SYDE1: variants seen among roughly 807,000 people sequenced by gnomAD.
SYDE1 encodes rho GTPase-activating protein SYDE1.
In SYDE1, 34 loss-of-function variants were observed where a neutral mutation model predicts 63.3. The observed-to-expected ratio is 0.54, with a 90% confidence interval of 0.41 to 0.71. The LOEUF (loss-of-function observed/expected upper bound fraction) is 0.71, where lower values mean the gene tolerates loss of function less well. SYDE1 is among the 30% of genes least tolerant of loss of function. SYDE1 has a pLI of 0.00. For missense variants in SYDE1, 925 were observed against 1,042.5 expected (o/e 0.89, Z 1.55); for synonymous variants, 467 against 473.4 (o/e 0.99, Z 0.18).
rs1035682544 is a variant in SYDE1 at position 15,111,297 on chromosome 19, C to A, written c.1291-16C>A. The A allele has an allele frequency of 6.8e-6, 11 of 1,613,644 alleles. No homozygotes were observed. The Admixed American group carries it at 1.2e-4, about 17-fold the overall frequency. On this transcript the variant is annotated splice_polypyrimidine_tract_variant and intron_variant, in intron 4 of 7. Coordinates refer to ENST00000342784, the MANE Select transcript of SYDE1 (RefSeq NM_033025.6). The surrounding 1 kb of genome is among the most constrained non-coding windows in gnomAD (Gnocchi z 5.5). Reference sequence around the variant, plus strand: ...GCCCCGGCAAGAAGACATTCACTCTCTCTTCCCACCCCCAGGTAGTGGGAC... The same window carrying A: ...GCCCCGGCAAGAAGACATTCACTCTATCTTCCCACCCCCAGGTAGTGGGAC...
chr19:15,109,720 C>T lies in SYDE1; in HGVS notation c.447C>T (p.Ser149=), dbSNP rs867275566. The T allele has an allele frequency of 1.3e-6, 2 of 1,516,502 alleles. No homozygotes were observed. Among genetic ancestry groups the T allele is most frequent in the Non-Finnish European group, 1.8e-6 (2 of 1,131,178 alleles). 93.9% of individuals were successfully genotyped at this position (1,516,502 alleles called of 1,614,324 possible). ...TCCACACAGGTGCAGCCCCCGCCAG[C>T]CCCCCAACCAAAGCCTCCCGCACCA... ...GLAPQGAAPA[S]PPTKASRTKS... Residue 149 remains serine, a synonymous_variant, in exon 3 of 8, where the codon AGC becomes AGT. Coordinates refer to ENST00000342784, the MANE Select transcript of SYDE1 (RefSeq NM_033025.6). The surrounding 1 kb of genome is among the most constrained non-coding windows in gnomAD (Gnocchi z 5.0).
rs1035716288 is a variant in SYDE1, at chr19:15,111,004, G to T, written c.1290+269G>T. 4.6e-5 allele frequency among the ~76,000 whole-genome samples: 7 copies of T among 152,188 alleles called. No individual in the cohort carries two copies. The highest frequency in any genetic ancestry group is 7.3e-5 in the Non-Finnish European group (5 of 68,036). On this transcript the variant is annotated intron_variant, in intron 4 of 7. Coordinates refer to ENST00000342784, the MANE Select transcript of SYDE1 (RefSeq NM_033025.6). The surrounding 1 kb of genome is among the most constrained non-coding windows in gnomAD (Gnocchi z 5.5). ...GATACGACTCTAGTCATTCACAAAT[G>T]TAAAACTATAACTGGGACTGGAGTT...
chr19:15,113,468 T>C, intron 7 of SYDE1, 92 bp from the exon 8 acceptor site: 2 of 1,449,728 alleles, frequency 1.4e-6, no homozygotes, highest in Non-Finnish European at 9.2e-7. Flanking sequence ...CGAAGGCCGC[T>C]TTCCACAGGC....
chr19:15,113,907 G>A lies in SYDE1; in HGVS notation c.2152G>A (p.Ala718Thr), dbSNP rs1331696603. 4 of 1,614,082 alleles carry A rather than the reference G, an allele frequency of 2.5e-6. No homozygotes were observed. The highest frequency in any genetic ancestry group is 3.3e-5 in the Admixed American group (2 of 60,026). Residue 718 changes from alanine to threonine, a missense_variant, in exon 8 of 8, where the codon GCC becomes ACC. Physicochemically the swap from Ala to Thr is moderately conservative, Grantham distance 58. Transcript: ENST00000342784. ...NPHLNLKDFD[A>T]LILDLERELS... ...GCACCTGAATCTCAAAGACTTCGACGCCCTCATCCTGGATCTGGAGAGAGA... is the reference window on the plus strand; with the variant it reads ...GCACCTGAATCTCAAAGACTTCGACACCCTCATCCTGGATCTGGAGAGAGA...
Position 15,113,805 on chromosome 19 carries a change from G to T in SYDE1, c.2050G>T (p.Glu684Ter). 2 of 1,613,504 alleles carry T rather than the reference G, an allele frequency of 1.2e-6. No individual in the cohort carries two copies. Among genetic ancestry groups the T allele is most frequent in the Non-Finnish European group, 1.7e-6 (2 of 1,179,470 alleles). Residue 684 changes from glutamate (E) to a stop codon, truncating the protein, a stop_gained, in exon 8 of 8, where the codon GAG becomes TAG. Transcript: ENST00000342784. LOFTEE classifies it high-confidence loss of function. ...DYDHVTGSDS[E>*]DEDEEVGEPR... ...CGACCACGTGACGGGCAGTGACAGC[G>T]AGGACGAGGACGAGGAGGTCGGCGA...
Position 15,110,073 on chromosome 19 carries a change from G to A in SYDE1, c.800G>A (p.Arg267His). 6.7e-7 allele frequency: 1 copy of A among 1,487,480 alleles called. No homozygotes were observed. Among genetic ancestry groups the A allele is most frequent in the Non-Finnish European group, 8.9e-7 (1 of 1,126,426 alleles). 92.1% of individuals were successfully genotyped at this position (1,487,480 alleles called of 1,614,324 possible). Residue 267 changes from arginine to histidine, a missense_variant, in exon 3 of 8, where the codon CGC (arginine) becomes CAC (histidine). By Grantham distance (29) the Arg-to-His change is conservative. This residue lies in a region of SYDE1 where 599 missense variants were observed against 653.7 expected (regional missense o/e 0.92). Transcript: ENST00000342784. The surrounding 1 kb of genome is among the most constrained non-coding windows in gnomAD (Gnocchi z 6.9). ...GCACCCCCGGCCGCACTCTGGGGCCGCCTCAGCCTGCACCTGTACGGTCTC... is the reference window on the plus strand; with the variant it reads ...GCACCCCCGGCCGCACTCTGGGGCCACCTCAGCCTGCACCTGTACGGTCTC... ...ARAPPAALWG[R>H]LSLHLYGLGG... is the part of the protein sequence containing the mutation.
rs1195243097 is a variant in SYDE1 at position 15,114,449 on chromosome 19, G to C, written c.*486G>C. On this transcript the variant is annotated 3_prime_UTR_variant, in exon 8 of 8. Coordinates refer to ENST00000342784, the MANE Select transcript of SYDE1 (RefSeq NM_033025.6). Reference sequence around the variant, plus strand: ...CAAAGACTAGCATGAGGCACTGTTTGTGGGGGGCAGCCCCTATCCTGGGTT... The same window carrying C: ...CAAAGACTAGCATGAGGCACTGTTTCTGGGGGGCAGCCCCTATCCTGGGTT... 6.2e-6 allele frequency: 1 copy of C among 162,158 alleles called. No homozygotes were observed. Among genetic ancestry groups the C allele is most frequent in the African/African-American group, 2.4e-5 (1 of 41,570 alleles). 10.0% of individuals were successfully genotyped at this position (162,158 alleles called of 1,614,324 possible).
At chr19:15,107,603 G>A (rs886734423) in intron 1 of SYDE1, 82 bp downstream of exon 1, 4 of 1,029,450 alleles carry the variant, frequency 3.9e-6, no homozygotes, top group African/African-American at 3.3e-5. Context: ...GAGGACAGAC[G>A]GTGGGGGGGA....
chr19:15,112,227 C>T lies in SYDE1; in HGVS notation c.1579-119C>T, dbSNP rs528240277. ...TAATGATTAATAGTCTTAACCCGAC[C>T]ACATCCCAGCTATGAGACTGTGAAC... On this transcript the variant is annotated intron_variant, in intron 6 of 7. Coordinates refer to ENST00000342784, the MANE Select transcript of SYDE1 (RefSeq NM_033025.6). 172 of 659,738 alleles carry T rather than the reference C, an allele frequency of 2.6e-4. No individual in the cohort carries two copies. In the African/African-American group the frequency reaches 2.8e-3, roughly 11 times the overall value. The allele number at this position is 659,738 out of a possible 1,614,324, so 40.9% of individuals were successfully genotyped here. A position where few individuals can be genotyped will look rare whatever the true frequency, so the allele number is the denominator to read the frequency against.
rs867275566 is a variant in SYDE1, at chr19:15,109,720, C to A, written c.447C>A (p.Ser149Arg). Residue 149 changes from serine (S) to arginine (R), a missense_variant, in exon 3 of 8, where the codon AGC becomes AGA. Physicochemically the swap from Ser to Arg is moderately radical, Grantham distance 110. Coordinates refer to ENST00000342784, the MANE Select transcript of SYDE1 (RefSeq NM_033025.6). This position sits in a 1 kb window ranked among gnomAD's most constrained non-coding sequence, Gnocchi z 5.0. ...GLAPQGAAPA[S>R]PPTKASRTKS... ...TCCACACAGGTGCAGCCCCCGCCAG[C>A]CCCCCAACCAAAGCCTCCCGCACCA... 1 of 1,516,500 alleles carries A rather than the reference C, an allele frequency of 6.6e-7. No individual in the cohort carries two copies. Among genetic ancestry groups the A allele is most frequent in the Non-Finnish European group, 8.8e-7 (1 of 1,131,176 alleles). The allele number at this position is 1,516,500 out of a possible 1,614,324, so 93.9% of individuals were successfully genotyped here. A position where few individuals can be genotyped will look rare whatever the true frequency, so the allele number is the denominator to read the frequency against.
In SYDE1 at chr19:15,108,537, G is replaced by A. The variant is rs2046320937; in HGVS notation, c.89-519G>A. ...AAGGGGCAGGGGACTGGGAGTGACT[G>A]TGCTGCAGGGAATAGAAAACCCAGC... On this transcript the variant is annotated intron_variant, in intron 1 of 7. Coordinates refer to ENST00000342784, the MANE Select transcript of SYDE1 (RefSeq NM_033025.6). This position sits in a 1 kb window ranked among gnomAD's most constrained non-coding sequence, Gnocchi z 4.3. Among the ~76,000 whole-genome samples, 2 of 152,200 alleles carry A rather than the reference G, an allele frequency of 1.3e-5. No individual in the cohort carries two copies. The highest frequency in any genetic ancestry group is 4.8e-5 in the African/African-American group (2 of 41,432).
At position 15,108,479 on chromosome 19, in the gene SYDE1, G is replaced by T. The variant is rs1379103251; in HGVS notation, c.89-577G>T. ...AGGGACAAGGGCCCATCCCAGGATG[G>T]CGACAGAGTTTGGAAGACAGGAGGG... On this transcript the variant is annotated intron_variant, in intron 1 of 7. Coordinates refer to ENST00000342784, the MANE Select transcript of SYDE1 (RefSeq NM_033025.6). This position sits in a 1 kb window ranked among gnomAD's most constrained non-coding sequence, Gnocchi z 4.3. Among the ~76,000 whole-genome samples the T allele has an allele frequency of 1.3e-5, 2 of 152,166 alleles. No individual in the cohort carries two copies. Among genetic ancestry groups the T allele is most frequent in the Non-Finnish European group, 2.9e-5 (2 of 68,036 alleles).
chr19:15,108,983 T>C lies in SYDE1; in HGVS notation c.89-73T>C. 1.4e-6 allele frequency: 2 copies of C among 1,424,962 alleles called. No individual in the cohort carries two copies. The highest frequency in any genetic ancestry group is 1.8e-6 in the Non-Finnish European group (2 of 1,094,104). 88.3% of individuals were successfully genotyped at this position (1,424,962 alleles called of 1,614,324 possible). On this transcript the variant is annotated intron_variant, in intron 1 of 7. Coordinates refer to ENST00000342784, the MANE Select transcript of SYDE1 (RefSeq NM_033025.6). This position sits in a 1 kb window ranked among gnomAD's most constrained non-coding sequence, Gnocchi z 4.3. ...GGGCCGTACACAGCATCCCACCCAC[T>C]GATCAATTGCACAGGGCTGCTCTGC...
Position 15,114,763 on chromosome 19 carries a change from TG to T in SYDE1, c.*802del, listed in dbSNP as rs2046374480. ...CATGTGTGTGTGTGTCTGTGAGGAC[TG>T]GTGTGCGTGGACACGTCTGAAGCAG... On this transcript the variant is annotated 3_prime_UTR_variant, in exon 8 of 8. Coordinates refer to ENST00000342784, the MANE Select transcript of SYDE1 (RefSeq NM_033025.6). 4.6e-6 allele frequency: 1 copy of T among 216,034 alleles called. No homozygotes were observed. The highest frequency in any genetic ancestry group is 9.4e-6 in the Non-Finnish European group (1 of 106,370). The allele number at this position is 216,034 out of a possible 1,614,324, so 13.4% of individuals were successfully genotyped here. A position where few individuals can be genotyped will look rare whatever the true frequency, so the allele number is the denominator to read the frequency against.
intron 7 of SYDE1, 130 bp from the exon 8 acceptor site, chr19:15,113,430 A>C: frequency 1.8e-6 from 2 of 1,095,784 alleles, no homozygotes; most frequent in Non-Finnish European, 2.6e-6. Flanking sequence ...AACCAGTCCT[A>C]GCTCTGCCAG....
chr19:15,109,435 C>T lies in SYDE1; in HGVS notation c.430+38C>T. On this transcript the variant is annotated intron_variant, in intron 2 of 7. Transcript: ENST00000342784. This position sits in a 1 kb window ranked among gnomAD's most constrained non-coding sequence, Gnocchi z 5.0. ...TTCCCATCCCCTTCCCCAAGGTGAG[C>T]ACCAGCTCCACATCCCTTCCCTTCA... 2.7e-6 allele frequency: 4 copies of T among 1,498,566 alleles called. No individual in the cohort carries two copies. The highest frequency in any genetic ancestry group is 3.6e-6 in the Non-Finnish European group (4 of 1,124,824). The allele number at this position is 1,498,566 out of a possible 1,614,324, so 92.8% of individuals were successfully genotyped here. A position where few individuals can be genotyped will look rare whatever the true frequency, so the allele number is the denominator to read the frequency against.
At position 15,109,574 on chromosome 19, in the gene SYDE1, C is replaced by T. The variant is rs946429755; in HGVS notation, c.431-130C>T. ...ACCCCGTCAGATGCTCCCAGAGGAG[C>T]ATCAGCCTCACACCCTCCTCCCCGC... On this transcript the variant is annotated intron_variant, in intron 2 of 7. Coordinates refer to ENST00000342784, the MANE Select transcript of SYDE1 (RefSeq NM_033025.6). The surrounding 1 kb of genome is among the most constrained non-coding windows in gnomAD (Gnocchi z 5.0). The T allele has an allele frequency of 1.1e-6, 1 of 926,924 alleles. No individual in the cohort carries two copies. The highest frequency in any genetic ancestry group is 3.0e-5 in the Admixed American group (1 of 33,568). 57.4% of individuals were successfully genotyped at this position (926,924 alleles called of 1,614,324 possible). A position where few individuals can be genotyped will look rare whatever the true frequency, so the allele number is the denominator to read the frequency against.
chr19:15,113,604 C>A lies in SYDE1; in HGVS notation c.1849C>A (p.Arg617=). 1 of 1,593,760 alleles carries A rather than the reference C, an allele frequency of 6.3e-7. No homozygotes were observed. The highest frequency in any genetic ancestry group is 8.6e-7 in the Non-Finnish European group (1 of 1,168,882). ...RQSPDVAPYL[R]PKRQPPLHLP... is the part of the protein sequence containing the mutation. ...ATCTCCAGATGTCGCGCCTTACTTG[C>A]GACCCAAACGACAGCCACCTCTGCA... is the stretch of plus-strand genomic sequence containing the variant. The change falls in exon 8 of 8, where the codon CGA becomes AGA. Residue 617 remains arginine, a synonymous_variant. Transcript: ENST00000342784.
rs750847292 is a variant in SYDE1 at position 15,111,409 on chromosome 19, G to A, written c.1387G>A (p.Asp463Asn). Residue 463 changes from aspartate (D) to asparagine (N), a missense_variant, in exon 5 of 8, where the codon GAC (aspartate) becomes AAC (asparagine). Asp to Asn is a conservative substitution (Grantham distance 23, BLOSUM62 1). Transcript: ENST00000342784. The surrounding 1 kb of genome is among the most constrained non-coding windows in gnomAD (Gnocchi z 5.5). ...RDSAAVCLSEDLYPDINVITG... is the reference protein window; with the variant it reads ...RDSAAVCLSENLYPDINVITG... ...CAGTGCAGCGGTCTGCCTATCTGAG[G>A]ACCTGTACCCCGATATCAATGTCAT... The A allele has an allele frequency of 1.9e-6, 3 of 1,614,050 alleles. No individual in the cohort carries two copies. The highest frequency in any genetic ancestry group is 2.2e-5 in the South Asian group (2 of 91,076).
Sources: gnomAD v4.1 joint callset for allele counts (sites outside exome capture counted in the v4.1 genomes callset) on GRCh38, gnomAD v4.1.1 for gene constraint, gnomAD v4.1.1 regional missense constraint, Gnocchi (gnomAD v3.1) non-coding constraint, MANE v1.5 for transcripts, NCBI Gene and HGNC (gene_info 2026-07-23, HGNC 2026-07-21) for gene names.